Variants in QRICH1 observed in about 807,000 individuals in gnomAD.
The protein encoded by QRICH1 is glutamine rich 1, also known as transcriptional regulator QRICH1.
QRICH1 carries 16 observed loss-of-function variants against 87.1 expected under a neutral mutation model. The observed-to-expected ratio is 0.18, with a 90% CI of 0.12 to 0.28. QRICH1 has a LOEUF of 0.28. QRICH1 is among the 10% of genes least tolerant of loss of function. The pLI, the probability that QRICH1 is intolerant of heterozygous loss-of-function variation, is 1.00. For missense variants in QRICH1, 647 were observed against 951.7 expected, an observed-to-expected ratio of 0.68 and a Z score of 4.21; for synonymous variants, 367 against 368.4, an observed-to-expected ratio of 1.00 and a Z score of 0.05.
chr3:49,049,124 G>A (rs1478261964), intron 3 of QRICH1, among the ~76,000 whole-genome samples: 4 of 151,710 alleles, frequency 2.6e-5, no homozygotes, highest in Admixed American at 2.0e-4. Context: ...GGCTGGTATC[G>A]AACTCCTGAC....
At position 49,057,554 on chromosome 3, in the gene QRICH1, C is replaced by T. The variant is rs76308243; in HGVS notation, c.646G>A (p.Val216Met). Residue 216 changes from valine (V) to methionine (M), a missense_variant, in exon 3 of 10, where the codon GTG (valine) becomes ATG (methionine). Physicochemically the swap from Val to Met is conservative, Grantham distance 21 (BLOSUM62 1). Around this residue, in one of 7 missense-constraint regions of QRICH1, gnomAD observed 156 missense variants for 164.5 expected, o/e 0.95. Coordinates refer to ENST00000395443, the MANE Select transcript of QRICH1 (RefSeq NM_198880.3). This position sits in a 1 kb window ranked among gnomAD's most constrained non-coding sequence, Gnocchi z 5.4. Reference sequence around the variant, plus strand: ...GATGGTGGTGGGGAAAGGGCACCCACGGTCTGGATTTGGATCTGCTGACCA... The same window carrying T: ...GATGGTGGTGGGGAAAGGGCACCCATGGTCTGGATTTGGATCTGCTGACCA... ...AGGQQIQIQT[V>M]GALSPPPSQQ... The T allele has an allele frequency of 1.2e-6, 2 of 1,613,124 alleles. No homozygotes were observed. The highest frequency in any genetic ancestry group is 2.2e-5 in the East Asian group (1 of 44,866).
Position 49,047,147 on chromosome 3 carries a change from C to G in QRICH1, c.1438G>C (p.Glu480Gln), listed in dbSNP as rs1361046068. 6.2e-7 allele frequency: 1 copy of G among 1,614,060 alleles called. No individual in the cohort carries two copies. The highest frequency in any genetic ancestry group is 8.5e-7 in the Non-Finnish European group (1 of 1,180,056). The part of the protein sequence containing the change: ...PNSLKPEEGL[E>Q]VWKNWAQTKN... ...GTCTGGGCCCAGTTTTTCCATACTT[C>G]AAGCCCTTCTTCTGGCTTCAAAGAA... is the stretch of plus-strand genomic sequence containing the variant. The change falls in exon 4 of 10, where the codon GAA becomes CAA. Residue 480 changes from glutamate (E) to glutamine (Q), a missense_variant. This residue lies in a region of QRICH1 where 187 missense variants were observed against 309.5 expected (regional missense o/e 0.60). Transcript: ENST00000395443.
At chr3:49,066,745 A>G (rs1230687575) in intron 2 of QRICH1, among the ~76,000 whole-genome samples, 1 of 152,138 alleles carries the variant, frequency 6.6e-6, no homozygotes, top group East Asian at 1.9e-4. Context: ...TTTCTTAGAA[A>G]TCATTTAAAA....
chr3:49,073,147 T>A (rs1575368739), intron 2 of QRICH1, among the ~76,000 whole-genome samples: 1 of 152,154 alleles, frequency 6.6e-6, no homozygotes, highest in Non-Finnish European at 1.5e-5. Flanking sequence ...CCTATCCTCT[T>A]AGTATAAAAA....
Position 49,029,862 on chromosome 3 carries a change from C to CA in QRICH1, c.*589dup, listed in dbSNP as rs879117914. ...TTTTAAGGCCTCAATGTTAGGCCAA[C>CA]AAAAAAAAAAAAGGCATGGTAAAGT... On this transcript the variant is annotated 3_prime_UTR_variant, in exon 10 of 10. Transcript: ENST00000395443. 1,252 of 126,858 alleles carry CA rather than the reference C, an allele frequency of 9.9e-3. 4 individuals carry two copies. The highest frequency in any genetic ancestry group is 0.022 in the South Asian group (108 of 4,966). The allele number at this position is 126,858 out of a possible 1,614,324, so 7.9% of individuals were successfully genotyped here.
intron 1 of QRICH1, among the ~76,000 whole-genome samples, chr3:49,086,366 C>T (rs558166878): frequency 6.6e-6 from 1 of 151,874 alleles, no homozygotes; most frequent in African/African-American, 2.4e-5. Flanking sequence ...ACACCATTCT[C>T]CTGCCTCAGC....
chr3:49,047,387 T>G, intron 3 of QRICH1, 141 bp from the exon 4 acceptor site: 1 of 829,750 alleles, frequency 1.2e-6, no homozygotes, highest in Non-Finnish European at 1.8e-6. Flanking sequence ...TTTAAGAAGC[T>G]TTGGAGTTCT....
chr3:49,074,128 T>C (rs2041903348), intron 2 of QRICH1, among the ~76,000 whole-genome samples: 1 of 152,106 alleles, frequency 6.6e-6, no homozygotes, highest in Non-Finnish European at 1.5e-5. Flanking sequence ...AATCCATACG[T>C]AATCTGAGTT....
intron 2 of QRICH1, among the ~76,000 whole-genome samples, chr3:49,066,670 C>CA (rs1277538855): frequency 2.0e-5 from 3 of 151,962 alleles, no homozygotes; most frequent in Admixed American, 6.6e-5. Flanking sequence ...TTCACAAAGG[C>CA]ATGAGCCACT....
intron 6 of QRICH1, among the ~76,000 whole-genome samples, chr3:49,034,991 T>C (rs1575321850): frequency 6.6e-6 from 1 of 152,258 alleles, no homozygotes; most frequent in African/African-American, 2.4e-5. Flanking sequence ...AAAACAAAGC[T>C]GGCTCTCTAA....
In QRICH1 at chr3:49,032,713, T is replaced by C. The variant is rs764226790; in HGVS notation, c.1956A>G (p.Arg652=). ...GATTAGAGGGGTTCTTCTTTGTCTG[T>C]CGCAAGACCTTGGAGAAGGCCAGCT... The part of the protein sequence containing the change: ...HMKLAFSKVL[R]QTKKNPSNPK... Residue 652 remains arginine, a synonymous_variant, in exon 8 of 10, where the codon CGA becomes CGG. Transcript: ENST00000395443. The C allele has an allele frequency of 1.2e-6, 2 of 1,612,028 alleles. No homozygotes were observed. The highest frequency in any genetic ancestry group is 1.7e-6 in the Non-Finnish European group (2 of 1,179,342).
intron 1 of QRICH1, among the ~76,000 whole-genome samples, chr3:49,089,628 G>A (rs2042234621): frequency 6.6e-6 from 1 of 152,110 alleles, no homozygotes; most frequent in African/African-American, 2.4e-5. Flanking sequence ...ATACCTTATG[G>A]TGTATTCATA....
At chr3:49,061,976 C>A (rs890277091) in intron 2 of QRICH1, among the ~76,000 whole-genome samples, 6 of 152,244 alleles carry the variant, frequency 3.9e-5, no homozygotes, top group Middle Eastern at 3.4e-3. Context: ...TAAGTTATAT[C>A]TAAAAAAGAC....
chr3:49,040,667 T>C (rs187868955), intron 6 of QRICH1, among the ~76,000 whole-genome samples: 2 of 152,314 alleles, frequency 1.3e-5, no homozygotes, highest in Admixed American at 6.5e-5. Context: ...AAATGTATTT[T>C]ATTAAATTAA....
chr3:49,051,642 A>C (rs899870882), intron 3 of QRICH1, among the ~76,000 whole-genome samples: 1 of 131,082 alleles, frequency 7.6e-6, no homozygotes, highest in Non-Finnish European at 1.5e-5. Flanking sequence ...CAACTGAACA[A>C]CTCATAGCCA....
At chr3:49,086,038 A>G (rs2042160859) in intron 1 of QRICH1, among the ~76,000 whole-genome samples, 1 of 152,000 alleles carries the variant, frequency 6.6e-6, no homozygotes, top group Admixed American at 6.6e-5. Context: ...TGATGAGACT[A>G]ATAATGAAAA....
chr3:49,038,116 C>T (rs904326143), intron 6 of QRICH1, among the ~76,000 whole-genome samples: 2 of 151,388 alleles, frequency 1.3e-5, no homozygotes, highest in African/African-American at 4.9e-5. Flanking sequence ...GGCTAGAGGG[C>T]AGTGGCGCGA....
chr3:49,032,841 C>A, intron 7 of QRICH1, 68 bp from the exon 8 acceptor site: 1 of 1,512,046 alleles, frequency 6.6e-7, no homozygotes, highest in South Asian at 1.2e-5. Context: ...CATCCTCTGC[C>A]CACTGGTGCT....
intron 6 of QRICH1, among the ~76,000 whole-genome samples, chr3:49,042,898 A>G (rs2093318775): frequency 6.6e-6 from 1 of 152,142 alleles, no homozygotes; most frequent in Non-Finnish European, 1.5e-5. Flanking sequence ...TTAGGGCAGT[A>G]AACATTCTAT....
Sources: allele counts gnomAD v4.1 joint callset (sites outside exome capture counted in the v4.1 genomes callset), GRCh38; gene constraint gnomAD v4.1.1; regional missense constraint gnomAD v4.1.1; non-coding constraint Gnocchi (gnomAD v3.1); transcripts MANE v1.5; gene names NCBI Gene and HGNC (gene_info 2026-07-23, HGNC 2026-07-21).